Variants in HS3ST4 observed in about 807,000 individuals in gnomAD.
HS3ST4 encodes the protein heparan sulfate glucosamine 3-O-sulfotransferase 4.
HS3ST4 carries 17 observed loss-of-function variants against 29.2 expected under a neutral mutation model. The ratio of observed to expected loss-of-function variants is 0.58; its 90% CI spans 0.40 to 0.87. The LOEUF (loss-of-function observed/expected upper bound fraction) is 0.87. Ranked by LOEUF, HS3ST4 falls within the 40% of genes least tolerant of loss-of-function variation. The pLI is 0.00. For synonymous variants in HS3ST4, 314 were observed against 285.7 expected, an observed-to-expected ratio of 1.10 and a Z score of -1.00; for missense variants, 627 against 634.5, an observed-to-expected ratio of 0.99 and a Z score of 0.13.
intron 1 of HS3ST4, among the ~76,000 whole-genome samples, chr16:26,058,652 A>G (rs1898440060): frequency 6.6e-6 from 1 of 152,184 alleles, no homozygotes; most frequent in Admixed American, 6.5e-5. Context: ...CTCACTCTCC[A>G]GGGCAGAGGC....
intron 1 of HS3ST4, among the ~76,000 whole-genome samples, chr16:25,980,480 T>C (rs191206976): frequency 2.6e-5 from 4 of 152,290 alleles, no homozygotes; most frequent in South Asian, 2.1e-4. Context: ...TTTATCACCA[T>C]GTATCGAGTT....
intron 1 of HS3ST4, among the ~76,000 whole-genome samples, chr16:25,811,214 A>T (rs570879719): frequency 3.3e-5 from 5 of 151,130 alleles, no homozygotes; most frequent in Admixed American, 1.3e-4. Flanking sequence ...TGCCTTTCCT[A>T]CCTCCCCTTC....
intron 1 of HS3ST4, among the ~76,000 whole-genome samples, chr16:25,741,823 G>A (rs979098144): frequency 5.9e-5 from 9 of 152,104 alleles, no homozygotes; most frequent in Admixed American, 1.3e-4. Flanking sequence ...TCAGAGGGAT[G>A]GAGTCACTTG....
Position 26,137,166 on chromosome 16 carries a change from T to G in HS3ST4, c.*918T>G, listed in dbSNP as rs1898295344. ...GAGGTTACCTTACCTGAAGACCATCTCTCCCAAGCACTGTAGTTCTGAGCA... is the reference window on the plus strand; with the variant it reads ...GAGGTTACCTTACCTGAAGACCATCGCTCCCAAGCACTGTAGTTCTGAGCA... On this transcript the variant is annotated 3_prime_UTR_variant, in exon 2 of 2. Transcript: ENST00000331351. 6.6e-6 allele frequency: 1 copy of G among 151,688 alleles called. No homozygotes were observed. Among genetic ancestry groups the G allele is most frequent in the Non-Finnish European group, 1.5e-5 (1 of 67,944 alleles). The allele number at this position is 151,688 out of a possible 1,614,324, so 9.4% of individuals were successfully genotyped here.
At chr16:25,727,033 A>G (rs1966540383) in intron 1 of HS3ST4, among the ~76,000 whole-genome samples, 1 of 152,160 alleles carries the variant, frequency 6.6e-6, no homozygotes, top group East Asian at 1.9e-4. Flanking sequence ...TGCTCAAGCT[A>G]TCCATAGGTC....
rs559291569 is a variant in HS3ST4, at chr16:26,054,452, C to A, written c.735-81160C>A. 1.8e-4 allele frequency among the ~76,000 whole-genome samples: 27 copies of A among 152,336 alleles called. No individual in the cohort carries two copies. The South Asian group carries it at 5.6e-3, about 32-fold the overall frequency. Reference sequence around the variant, plus strand: ...ACCTAACAAGGCAAGAGCTAAACATCTGTTTCCCATGAATCCTTGTCAATT... The same window carrying A: ...ACCTAACAAGGCAAGAGCTAAACATATGTTTCCCATGAATCCTTGTCAATT... On this transcript the variant is annotated intron_variant, in intron 1 of 1. Coordinates refer to ENST00000331351, the MANE Select transcript of HS3ST4 (RefSeq NM_006040.3).
chr16:26,098,635 A>G (rs892887893), intron 1 of HS3ST4, among the ~76,000 whole-genome samples: 7 of 152,038 alleles, frequency 4.6e-5, no homozygotes, highest in African/African-American at 1.7e-4. Flanking sequence ...CCTAATGTAA[A>G]TGACGAGTTG....
chr16:26,079,221 G>C (rs1898699489), intron 1 of HS3ST4, among the ~76,000 whole-genome samples: 1 of 152,202 alleles, frequency 6.6e-6, no homozygotes, highest in Non-Finnish European at 1.5e-5. Context: ...GCCTCTGCAC[G>C]ATAAACGACA....
intron 1 of HS3ST4, among the ~76,000 whole-genome samples, chr16:25,765,774 C>A (rs1966814623): frequency 6.6e-6 from 1 of 152,094 alleles, no homozygotes; most frequent in Non-Finnish European, 1.5e-5. Flanking sequence ...AACCTGTAGA[C>A]CTATTTTCTT....
rs548759619 is a variant in HS3ST4 at position 25,901,529 on chromosome 16, G to C, written c.734+208378G>C. The stretch of plus-strand genomic sequence containing the variant: ...CTACCAAAAATGCAAAAATTAGCCA[G>C]GCGTGGTGGCTGGTGCACATCTGTA... On this transcript the variant is annotated intron_variant, in intron 1 of 1. Transcript: ENST00000331351. Among the ~76,000 whole-genome samples, 95 of 152,264 alleles carry C rather than the reference G, an allele frequency of 6.2e-4. No homozygotes were observed. In the South Asian group the frequency reaches 0.019, roughly 31 times the overall value.
At chr16:25,850,307 A>G (rs912075087) in intron 1 of HS3ST4, among the ~76,000 whole-genome samples, 1 of 151,956 alleles carries the variant, frequency 6.6e-6, no homozygotes, top group Non-Finnish European at 1.5e-5. Flanking sequence ...TTAAACACTC[A>G]CTTGTAGCAT....
chr16:25,794,117 A>G (rs1437641564), intron 1 of HS3ST4, among the ~76,000 whole-genome samples: 1 of 152,090 alleles, frequency 6.6e-6, no homozygotes, highest in Non-Finnish European at 1.5e-5. Context: ...GGATTAAGGT[A>G]TGAATTTTTG....
At chr16:26,083,404 T>G (rs1898747034) in intron 1 of HS3ST4, among the ~76,000 whole-genome samples, 1 of 152,220 alleles carries the variant, frequency 6.6e-6, no homozygotes, top group Non-Finnish European at 1.5e-5. Context: ...AACCTTTATT[T>G]TATTCTATTC....
intron 1 of HS3ST4, among the ~76,000 whole-genome samples, chr16:25,898,582 A>T (rs1382731097): frequency 6.6e-6 from 1 of 152,238 alleles, no homozygotes; most frequent in African/African-American, 2.4e-5. Context: ...TTTGGGAAAT[A>T]TTTATGTAGA....
intron 1 of HS3ST4, among the ~76,000 whole-genome samples, chr16:25,713,932 A>G (rs1287450028): frequency 6.6e-6 from 1 of 151,992 alleles, no homozygotes; most frequent in Non-Finnish European, 1.5e-5. Context: ...TCTTCCTCCC[A>G]AGCTGCTAGG....
chr16:26,077,010 A>C (rs1226107480), intron 1 of HS3ST4, among the ~76,000 whole-genome samples: 1 of 152,232 alleles, frequency 6.6e-6, no homozygotes, highest in Non-Finnish European at 1.5e-5. Context: ...ATTCAGAACA[A>C]TACTGGTATA....
intron 1 of HS3ST4, among the ~76,000 whole-genome samples, chr16:25,846,254 G>A (rs1329732803): frequency 6.6e-6 from 1 of 152,172 alleles, no homozygotes; most frequent in African/African-American, 2.4e-5. Flanking sequence ...AAAATAAATT[G>A]GTGAGGAGTT....
intron 1 of HS3ST4, among the ~76,000 whole-genome samples, chr16:25,969,589 T>C (rs1462098175): frequency 6.6e-6 from 1 of 152,200 alleles, no homozygotes; most frequent in Non-Finnish European, 1.5e-5. Flanking sequence ...AGATATGGCC[T>C]GGGACAACTC....
chr16:26,020,800 T>C (rs746382139), intron 1 of HS3ST4, among the ~76,000 whole-genome samples: 9 of 152,162 alleles, frequency 5.9e-5, no homozygotes, highest in Non-Finnish European at 1.0e-4. Context: ...CGTGTGCAGG[T>C]TCAAGTGTGA....
Sources: gnomAD v4.1 joint callset for allele counts (sites outside exome capture counted in the v4.1 genomes callset) on GRCh38, gnomAD v4.1.1 for gene constraint, MANE v1.5 for transcripts, NCBI Gene and HGNC (gene_info 2026-07-23, HGNC 2026-07-21) for gene names.